Variants in RAB19 observed in about 807,000 individuals in gnomAD.
RAB19 encodes ras-related protein Rab-19.
In RAB19, 21 loss-of-function variants were observed where a neutral mutation model predicts 17.3. That is an observed-to-expected ratio of 1.21 (90% CI 0.86 to 1.74). The LOEUF is 1.74. RAB19 is among the 40% of genes most tolerant of loss of function. The pLI, the probability that RAB19 is intolerant of heterozygous loss-of-function variation, is 0.00. For synonymous variants in RAB19, 126 were observed against 110.4 expected, an observed-to-expected ratio of 1.14 and a Z score of -0.88; for missense variants, 277 against 286.8, an observed-to-expected ratio of 0.97 and a Z score of 0.25.
At chr7:140,405,381 C>T (rs945767429) in intron 1 of RAB19, among the ~76,000 whole-genome samples, 39 of 151,846 alleles carry the variant, frequency 2.6e-4, no homozygotes, top group African/African-American at 7.5e-4. Context: ...CCACCACGCC[C>T]GGCTAATTTT....
At position 140,407,969 on chromosome 7, in the gene RAB19, A is replaced by G. The variant is rs553636646; in HGVS notation, c.201+122A>G. 42 of 774,714 alleles carry G rather than the reference A, an allele frequency of 5.4e-5. No individual in the cohort carries two copies. The East Asian group carries it at 1.1e-3, about 21-fold the overall frequency. 48.0% of individuals were successfully genotyped at this position (774,714 alleles called of 1,614,324 possible). On this transcript the variant is annotated intron_variant, in intron 2 of 3. Coordinates refer to ENST00000537763, the MANE Select transcript of RAB19 (RefSeq NM_001008749.3). ...AAGCTCCGCCTCCCGGGTTCATGCCATTCTCCTGCCTCAGCCTCCAGCCTC... is the reference window on the plus strand; with the variant it reads ...AAGCTCCGCCTCCCGGGTTCATGCCGTTCTCCTGCCTCAGCCTCCAGCCTC...
chr7:140,422,783 G>A (rs1410631075), intron 3 of RAB19, among the ~76,000 whole-genome samples: 3 of 152,072 alleles, frequency 2.0e-5, no homozygotes, highest in Non-Finnish European at 4.4e-5. Flanking sequence ...TCCAGCCCAG[G>A]TGGCAGGACA....
chr7:140,419,391 G>A (rs963976582), intron 3 of RAB19, among the ~76,000 whole-genome samples: 3 of 152,048 alleles, frequency 2.0e-5, no homozygotes, highest in East Asian at 1.9e-4. Context: ...TGTTTTGTAC[G>A]TTATATATAA....
chr7:140,414,189 C>T (rs531037404), intron 3 of RAB19, among the ~76,000 whole-genome samples: 25 of 152,226 alleles, frequency 1.6e-4, no homozygotes, highest in African/African-American at 5.5e-4. Context: ...GGATTACAGG[C>T]TCCCGCCACC....
At chr7:140,420,480 T>C (rs974100773) in intron 3 of RAB19, among the ~76,000 whole-genome samples, 12 of 150,066 alleles carry the variant, frequency 8.0e-5, no homozygotes, top group Non-Finnish European at 1.3e-4. Flanking sequence ...GAGTCTTCTA[T>C]GAGATGTAGA....
rs1799684746 is a variant in RAB19 at position 140,427,046 on chromosome 7, T to C, written c.*896T>C. ...TTGTAGAGACAAGGTTTCACCATGT[T>C]GCTCAGGCTGATCTTGAACTCCTGA... On this transcript the variant is annotated 3_prime_UTR_variant, in exon 4 of 4. Coordinates refer to ENST00000537763, the MANE Select transcript of RAB19 (RefSeq NM_001008749.3). Among the ~76,000 whole-genome samples, 1 of 151,778 alleles carries C rather than the reference T, an allele frequency of 6.6e-6. No homozygotes were observed. Among genetic ancestry groups the C allele is most frequent in the Admixed American group, 6.6e-5 (1 of 15,206 alleles).
At chr7:140,423,091 G>C (rs189821147) in intron 3 of RAB19, among the ~76,000 whole-genome samples, 5 of 152,270 alleles carry the variant, frequency 3.3e-5, no homozygotes, top group Admixed American at 3.3e-4. Flanking sequence ...CTGGGCGACA[G>C]AGCAAGGCTC....
chr7:140,415,634 A>G (rs1462820130), intron 3 of RAB19, among the ~76,000 whole-genome samples: 1 of 152,214 alleles, frequency 6.6e-6, no homozygotes, highest in Non-Finnish European at 1.5e-5. Context: ...TCAGATGTGT[A>G]AATAGTCATA....
intron 3 of RAB19, among the ~76,000 whole-genome samples, chr7:140,420,111 G>T (rs58747585): frequency 2.5e-4 from 38 of 152,180 alleles, no homozygotes; most frequent in African/African-American, 6.7e-4. Flanking sequence ...GGGAGAAACA[G>T]CTGTGAGGGA....
chr7:140,425,129 T>C (rs185235585), intron 3 of RAB19, among the ~76,000 whole-genome samples: 9 of 151,764 alleles, frequency 5.9e-5, no homozygotes, highest in Admixed American at 5.3e-4. Flanking sequence ...CTACTAAAAA[T>C]ACAAAAATTA....
At chr7:140,414,366 C>A (rs11771129) in intron 3 of RAB19, among the ~76,000 whole-genome samples, 1,607 of 152,174 alleles carry the variant, frequency 0.011, 19 homozygotes, top group African/African-American at 0.031. Flanking sequence ...CTGAAGGCAG[C>A]GACCTGTCTC....
chr7:140,425,702 C>T (rs546509211), intron 3 of RAB19, among the ~76,000 whole-genome samples, 180 bp from the exon 4 acceptor site: 5 of 148,400 alleles, frequency 3.4e-5, no homozygotes, highest in South Asian at 2.1e-4. Flanking sequence ...CCAGCCTGGG[C>T]GACAAGAGTG....
At chr7:140,421,958 T>TA (rs1158730335) in intron 3 of RAB19, among the ~76,000 whole-genome samples, 1 of 152,254 alleles carries the variant, frequency 6.6e-6, no homozygotes, top group Non-Finnish European at 1.5e-5. Flanking sequence ...TTTTAAAGTT[T>TA]AATTGATTGA....
chr7:140,426,839 CTTTTTTT>C lies in RAB19; in HGVS notation c.*703_*709del, dbSNP rs398067341. Among the ~76,000 whole-genome samples the C allele has an allele frequency of 1.6e-5, 2 of 124,004 alleles. No homozygotes were observed. The highest frequency in any genetic ancestry group is 2.5e-4 in the South Asian group (1 of 3,928). The allele number at this position is 124,004 out of a possible 152,430, so 81.4% of individuals were successfully genotyped here. On this transcript the variant is annotated 3_prime_UTR_variant, in exon 4 of 4. Coordinates refer to ENST00000537763, the MANE Select transcript of RAB19 (RefSeq NM_001008749.3). ...AAGACACCTGCAATTTTTTTTCTTT[CTTTTTTT>C]TTTTTTTTTTTTTGAGACAGGGTCA...
chr7:140,413,133 G>A (rs1460792144), intron 3 of RAB19, among the ~76,000 whole-genome samples: 1 of 152,118 alleles, frequency 6.6e-6, no homozygotes, highest in Non-Finnish European at 1.5e-5. Context: ...ACTTATTGAA[G>A]AGACTGTCCT....
At chr7:140,421,600 AC>A (rs1231384711) in intron 3 of RAB19, among the ~76,000 whole-genome samples, 1 of 152,062 alleles carries the variant, frequency 6.6e-6, no homozygotes, top group African/African-American at 2.4e-5. Flanking sequence ...CAAGTGATCC[AC>A]CAACCTCAGC....
chr7:140,418,858 CAA>C (rs10649285), intron 3 of RAB19, among the ~76,000 whole-genome samples: 26 of 135,418 alleles, frequency 1.9e-4, no homozygotes, highest in Admixed American at 2.3e-4. Flanking sequence ...AACCCTGTCT[CAA>C]AAAAAAAAAA....
chr7:140,423,595 A>T (rs1799599864), intron 3 of RAB19, among the ~76,000 whole-genome samples: 1 of 152,220 alleles, frequency 6.6e-6, no homozygotes, highest in African/African-American at 2.4e-5. Flanking sequence ...AGACAATCTC[A>T]AAAGGTTACA....
At chr7:140,411,646 G>A (rs548311835) in intron 2 of RAB19, among the ~76,000 whole-genome samples, 120 of 152,268 alleles carry the variant, frequency 7.9e-4, no homozygotes, top group South Asian at 4.6e-3. Context: ...CGTGGGTTGC[G>A]GGTTGGACAA....
Sources: allele counts gnomAD v4.1 joint callset (sites outside exome capture counted in the v4.1 genomes callset), GRCh38; gene constraint gnomAD v4.1.1; transcripts MANE v1.5; gene names NCBI Gene and HGNC (gene_info 2026-07-23, HGNC 2026-07-21).